Variants in TMEM132D observed in about 807,000 individuals in gnomAD.
TMEM132D encodes the protein mature OL transmembrane protein.
A neutral mutation model predicts 62.3 loss-of-function variants in TMEM132D; 21 were observed. The observed-to-expected ratio is 0.34, with a 90% CI of 0.24 to 0.49. The LOEUF (loss-of-function observed/expected upper bound fraction) is 0.49. Among genes scored for constraint, TMEM132D ranks in the 20% least tolerant of loss-of-function variants. The pLI, the probability that TMEM132D is intolerant of heterozygous loss-of-function variation, is 0.99. For missense variants in TMEM132D, 1,346 were observed against 1,402.8 expected, an observed-to-expected ratio of 0.96 and a Z score of 0.65; for synonymous variants, 621 against 575.6, an observed-to-expected ratio of 1.08 and a Z score of -1.13.
Position 129,576,207 on chromosome 12 carries a change from A to C in TMEM132D, c.969-45002T>G, listed in dbSNP as rs143322012. 3.5e-3 allele frequency among the ~76,000 whole-genome samples: 538 copies of C among 152,024 alleles called. 19 individuals are homozygous for C. The highest frequency in any genetic ancestry group is 0.012 in the African/African-American group (512 of 41,282). On this transcript the variant is annotated intron_variant, in intron 2 of 8. Transcript: ENST00000422113. ...ACCTACACTGACCATCTCCGCGATA[A>C]TGCTGCCCGAAAAATTAACTCCAAA... is the stretch of plus-strand genomic sequence containing the variant.
Position 129,106,856 on chromosome 12 carries a change from C to T in TMEM132D, c.1444-22154G>A, listed in dbSNP as rs1875517606. The stretch of plus-strand genomic sequence containing the variant: ...TGATGTAGGTGCCTCAATATGAAGG[C>T]CATCTGGGATGCTGAGCCGTCACTG... On this transcript the variant is annotated intron_variant, in intron 5 of 8. Coordinates refer to ENST00000422113, the MANE Select transcript of TMEM132D (RefSeq NM_133448.3). Among the ~76,000 whole-genome samples, 3 of 152,298 alleles carry T rather than the reference C, an allele frequency of 2.0e-5. No homozygotes were observed. In the South Asian group the frequency reaches 6.2e-4, roughly 32 times the overall value.
At chr12:129,401,302 C>T (rs1421338965) in intron 3 of TMEM132D, among the ~76,000 whole-genome samples, 5 of 152,198 alleles carry the variant, frequency 3.3e-5, no homozygotes, top group Non-Finnish European at 4.4e-5. Context: ...CATGGTGGCT[C>T]ATGCCTGTAA....
At chr12:129,283,411 C>T (rs1038265040) in intron 4 of TMEM132D, among the ~76,000 whole-genome samples, 23 of 152,218 alleles carry the variant, frequency 1.5e-4, no homozygotes, top group Admixed American at 1.3e-3. Context: ...AGGCTGGTCT[C>T]GAACGCCTGA....
chr12:129,232,376 G>A (rs1879665943), intron 4 of TMEM132D, among the ~76,000 whole-genome samples: 1 of 152,138 alleles, frequency 6.6e-6, no homozygotes, highest in Admixed American at 6.5e-5. Flanking sequence ...TGATGCTTAA[G>A]AAATGTTAAA....
At chr12:129,207,254 CA>C (rs1367550073) in intron 5 of TMEM132D, among the ~76,000 whole-genome samples, 4 of 145,536 alleles carry the variant, frequency 2.7e-5, no homozygotes, top group African/African-American at 1.0e-4. Context: ...AAGATGAATA[CA>C]GCACCGCCCT....
At chr12:129,579,530 G>C (rs1877781414) in intron 2 of TMEM132D, among the ~76,000 whole-genome samples, 1 of 152,158 alleles carries the variant, frequency 6.6e-6, no homozygotes, top group Non-Finnish European at 1.5e-5. Context: ...GTGGCTAAAG[G>C]CCTGAGAGCC....
chr12:129,633,108 C>CA (rs1338311042), intron 2 of TMEM132D, among the ~76,000 whole-genome samples: 1 of 152,060 alleles, frequency 6.6e-6, no homozygotes, highest in Admixed American at 6.5e-5. Context: ...CCAAAAGGAA[C>CA]AAAAAACTCC....
chr12:129,701,491 C>T (rs1163218478), intron 1 of TMEM132D, among the ~76,000 whole-genome samples: 1 of 152,188 alleles, frequency 6.6e-6, no homozygotes, highest in Non-Finnish European at 1.5e-5. Context: ...ACCTAAGAAG[C>T]ACGGGAAGGG....
At chr12:129,198,847 A>T (rs1481375733) in intron 5 of TMEM132D, among the ~76,000 whole-genome samples, 1 of 152,140 alleles carries the variant, frequency 6.6e-6, no homozygotes, top group Non-Finnish European at 1.5e-5. Context: ...GTTTGATTTA[A>T]TTATTTCACA....
intron 5 of TMEM132D, among the ~76,000 whole-genome samples, chr12:129,180,903 A>G (rs189747527): frequency 6.6e-6 from 1 of 152,162 alleles, no homozygotes; most frequent in East Asian, 1.9e-4. Context: ...TCCGGGCTAC[A>G]GAGAGGAGTC....
At chr12:129,265,244 GT>G (rs1880655113) in intron 4 of TMEM132D, among the ~76,000 whole-genome samples, 1 of 152,150 alleles carries the variant, frequency 6.6e-6, no homozygotes, top group African/African-American at 2.4e-5. Flanking sequence ...GGGAAACAGA[GT>G]TACTCCCATC....
rs115620283 is a variant in TMEM132D at position 129,537,238 on chromosome 12, A to G, written c.969-6033T>C. On this transcript the variant is annotated intron_variant, in intron 2 of 8. Coordinates refer to ENST00000422113, the MANE Select transcript of TMEM132D (RefSeq NM_133448.3). Reference sequence around the variant, plus strand: ...ACTTTACAGTTGAACCATGGGTTGGACTATTGAAATAATGTGTGCTACAAA... The same window carrying G: ...ACTTTACAGTTGAACCATGGGTTGGGCTATTGAAATAATGTGTGCTACAAA... 8.1e-3 allele frequency among the ~76,000 whole-genome samples: 1,235 copies of G among 152,082 alleles called. 23 individuals carry two copies. The highest frequency in any genetic ancestry group is 0.028 in the African/African-American group (1,177 of 41,492).
chr12:129,326,576 G>A (rs546071800), intron 4 of TMEM132D, among the ~76,000 whole-genome samples: 77 of 152,178 alleles, frequency 5.1e-4, no homozygotes, highest in African/African-American at 1.8e-3. Flanking sequence ...ACATGTTTAC[G>A]GCTGCCTTCC....
intron 1 of TMEM132D, among the ~76,000 whole-genome samples, chr12:129,893,926 T>C (rs1195639314): frequency 6.6e-6 from 1 of 152,168 alleles, no homozygotes; most frequent in African/African-American, 2.4e-5. Context: ...AAGGGGAGCA[T>C]GATTTTCACG....
chr12:129,182,013 G>A (rs1002744281), intron 5 of TMEM132D, among the ~76,000 whole-genome samples: 1 of 152,118 alleles, frequency 6.6e-6, no homozygotes, highest in Non-Finnish European at 1.5e-5. Flanking sequence ...TAGAATCAAG[G>A]TGGCTACAGG....
intron 4 of TMEM132D, among the ~76,000 whole-genome samples, chr12:129,236,913 G>A (rs1345289144): frequency 6.6e-6 from 1 of 152,104 alleles, no homozygotes; most frequent in African/African-American, 2.4e-5. Flanking sequence ...TATACCTACA[G>A]TGATAAGAGT....
In TMEM132D at chr12:129,571,444, C is replaced by T. The variant is rs564382488; in HGVS notation, c.969-40239G>A. 1.4e-4 allele frequency among the ~76,000 whole-genome samples: 21 copies of T among 152,068 alleles called. No individual in the cohort carries two copies. In the East Asian group the frequency reaches 3.5e-3, roughly 25 times the overall value. On this transcript the variant is annotated intron_variant, in intron 2 of 8. Coordinates refer to ENST00000422113, the MANE Select transcript of TMEM132D (RefSeq NM_133448.3). ...AAAATTAGCTAGCCGTGGTGGCGCA[C>T]GTCTACAGTCCCAGCTACTCCGGAG...
intron 2 of TMEM132D, among the ~76,000 whole-genome samples, chr12:129,635,900 T>C (rs891148185): frequency 4.6e-5 from 7 of 152,178 alleles, no homozygotes; most frequent in Admixed American, 6.5e-5. Context: ...AGGGTATACA[T>C]TGGTTCAGTG....
intron 2 of TMEM132D, among the ~76,000 whole-genome samples, chr12:129,696,565 C>A (rs1484355679): frequency 1.3e-5 from 2 of 152,168 alleles, no homozygotes; most frequent in Non-Finnish European, 2.9e-5. Flanking sequence ...CCATTCGGAT[C>A]TGAAGACCAG....
Sources: allele counts gnomAD v4.1 joint callset (sites outside exome capture counted in the v4.1 genomes callset), GRCh38; gene constraint gnomAD v4.1.1; transcripts MANE v1.5; gene names NCBI Gene and HGNC (gene_info 2026-07-23, HGNC 2026-07-21).